SLX4IP: variants seen among roughly 807,000 people sequenced by gnomAD.
SLX4IP encodes the protein SLX4 interacting protein, also known as protein SLX4IP.
A neutral mutation model predicts 32.9 loss-of-function variants in SLX4IP; 34 were observed. The ratio of observed to expected loss-of-function variants is 1.03; its 90% CI spans 0.79 to 1.38. The LOEUF is 1.38. Among genes scored for constraint, SLX4IP ranks in the 40% most tolerant of loss-of-function variants. The pLI is 0.00. For missense variants in SLX4IP, 444 were observed against 479.0 expected, an observed-to-expected ratio of 0.93 and a Z score of 0.68; for synonymous variants, 172 against 171.7, an observed-to-expected ratio of 1.00 and a Z score of -0.01.
chr20:10,477,744 A>G (rs2065487551), intron 2 of SLX4IP, among the ~76,000 whole-genome samples: 2 of 152,360 alleles, frequency 1.3e-5, no homozygotes, highest in South Asian at 4.1e-4. Flanking sequence ...TACCAAATAA[A>G]TAAGCCTTAG....
intron 2 of SLX4IP, among the ~76,000 whole-genome samples, chr20:10,480,039 C>T (rs1303628628): frequency 6.6e-6 from 1 of 151,792 alleles, no homozygotes; most frequent in Non-Finnish European, 1.5e-5. Context: ...AACAGATGAA[C>T]AAAACTTGTT....
chr20:10,497,093 T>A (rs1317159039), intron 2 of SLX4IP, among the ~76,000 whole-genome samples: 2 of 152,202 alleles, frequency 1.3e-5, no homozygotes, highest in Non-Finnish European at 2.9e-5. Context: ...TCACTATTGT[T>A]TCAGGTATCC....
intron 2 of SLX4IP, among the ~76,000 whole-genome samples, chr20:10,508,144 A>G (rs979362436): frequency 2.0e-5 from 3 of 152,154 alleles, no homozygotes. Flanking sequence ...ATGAGAGGAC[A>G]CTTGGCAGGT....
At chr20:10,552,179 A>T (rs956760820) in intron 2 of SLX4IP, among the ~76,000 whole-genome samples, 1 of 152,134 alleles carries the variant, frequency 6.6e-6, no homozygotes, top group Non-Finnish European at 1.5e-5. Context: ...AGTGCATGCA[A>T]TGTGAAGCTA....
chr20:10,572,722 T>C (rs1030980208), intron 4 of SLX4IP, among the ~76,000 whole-genome samples: 6 of 152,232 alleles, frequency 3.9e-5, no homozygotes, highest in African/African-American at 1.2e-4. Flanking sequence ...TGGCCTGCTT[T>C]TTGGCATTTC....
At chr20:10,453,687 G>A (rs902900972) in intron 1 of SLX4IP, among the ~76,000 whole-genome samples, 1 of 151,882 alleles carries the variant, frequency 6.6e-6, no homozygotes, top group African/African-American at 2.4e-5. Context: ...AACCAATTCT[G>A]ACTCCTGATC....
At chr20:10,467,149 C>T (rs1445475830) in intron 2 of SLX4IP, among the ~76,000 whole-genome samples, 4 of 152,134 alleles carry the variant, frequency 2.6e-5, no homozygotes, top group Non-Finnish European at 4.4e-5. Flanking sequence ...AATCCTGTGT[C>T]CTAGGTTTTT....
chr20:10,529,051 T>G (rs761969912), intron 2 of SLX4IP, among the ~76,000 whole-genome samples: 29 of 152,224 alleles, frequency 1.9e-4, no homozygotes, highest in Non-Finnish European at 4.1e-4. Flanking sequence ...GGGTTTCTGT[T>G]TCTGTTTGCT....
chr20:10,541,620 G>A (rs1408893831), intron 2 of SLX4IP, among the ~76,000 whole-genome samples: 1 of 152,214 alleles, frequency 6.6e-6, no homozygotes, highest in Non-Finnish European at 1.5e-5. Context: ...ATTAGACATT[G>A]TAGATATAGA....
chr20:10,488,649 T>A (rs1321517203), intron 2 of SLX4IP, among the ~76,000 whole-genome samples: 2 of 152,196 alleles, frequency 1.3e-5, no homozygotes, highest in Admixed American at 6.5e-5. Context: ...TTGGGGTAGA[T>A]GATGTCAGGA....
chr20:10,464,123 T>C (rs1003414323), intron 2 of SLX4IP, among the ~76,000 whole-genome samples: 1 of 152,170 alleles, frequency 6.6e-6, no homozygotes, highest in Non-Finnish European at 1.5e-5. Flanking sequence ...TGGTTGCCCA[T>C]GGTGAGTGAG....
chr20:10,453,943 T>C (rs772362851), intron 1 of SLX4IP, among the ~76,000 whole-genome samples: 43 of 152,160 alleles, frequency 2.8e-4, no homozygotes, highest in Non-Finnish European at 1.9e-4. Flanking sequence ...TTCTATTAAG[T>C]TTTTAAAATT....
chr20:10,601,624 T>C, intron 5 of SLX4IP, 107 bp from the exon 6 acceptor site: 1 of 820,014 alleles, frequency 1.2e-6, no homozygotes, highest in Non-Finnish European at 2.0e-6. Context: ...ATGTTTTATA[T>C]GGATGTGCAT....
intron 2 of SLX4IP, among the ~76,000 whole-genome samples, chr20:10,502,051 G>T (rs182997864): frequency 6.6e-6 from 1 of 152,132 alleles, no homozygotes; most frequent in African/African-American, 2.4e-5. Context: ...GGGTGGGGCC[G>T]AAACGGCGGC....
intron 6 of SLX4IP, among the ~76,000 whole-genome samples, chr20:10,617,652 C>CTTTTTTTTT (rs549525000): frequency 1.4e-4 from 16 of 112,728 alleles, no homozygotes; most frequent in Non-Finnish European, 1.8e-4. Flanking sequence ...TTCTTTCTTT[C>CTTTTTTTTT]TTTTTTTTTT....
chr20:10,554,796 T>A (rs1272101773), intron 2 of SLX4IP, among the ~76,000 whole-genome samples: 1 of 152,182 alleles, frequency 6.6e-6, no homozygotes. Flanking sequence ...TTTAAAAATA[T>A]CAGTTTGTAG....
intron 2 of SLX4IP, among the ~76,000 whole-genome samples, chr20:10,518,433 C>T (rs368751559): frequency 0.083 from 5,093 of 61,302 alleles, 327 homozygotes; most frequent in Admixed American, 0.16. Flanking sequence ...CCCTCCCTCC[C>T]TCCTTCTTCC....
chr20:10,542,171 T>C (rs2066114819), intron 2 of SLX4IP, among the ~76,000 whole-genome samples: 1 of 152,198 alleles, frequency 6.6e-6, no homozygotes, highest in African/African-American at 2.4e-5. Flanking sequence ...ATGATAACAG[T>C]GCAATATTTA....
At chr20:10,542,211 T>G (rs2046877758) in intron 2 of SLX4IP, among the ~76,000 whole-genome samples, 1 of 152,158 alleles carries the variant, frequency 6.6e-6, no homozygotes, top group African/African-American at 2.4e-5. Context: ...GGGCTTTGTG[T>G]CAATAGAGTT....
Sources: gnomAD v4.1 joint callset for allele counts (sites outside exome capture counted in the v4.1 genomes callset) on GRCh38, gnomAD v4.1.1 for gene constraint, MANE v1.5 for transcripts, NCBI Gene and HGNC (gene_info 2026-07-23, HGNC 2026-07-21) for gene names.